PAPPA2: variants seen among roughly 807,000 people sequenced by gnomAD.
The protein encoded by PAPPA2 is pappalysin 2.
PAPPA2 carries 86 observed loss-of-function variants against 176.4 expected under a neutral mutation model. The observed-to-expected ratio is 0.49, with a 90% CI of 0.41 to 0.58. The LOEUF is 0.58. Ranked by LOEUF, PAPPA2 falls within the 20% of genes least tolerant of loss-of-function variation. The pLI is 0.00. For synonymous variants in PAPPA2, 809 were observed against 852.2 expected (o/e 0.95, Z 0.88); for missense variants, 2,073 against 2,256.9 (o/e 0.92, Z 1.65).
chr1:176,650,530 G>A (rs1159836600), intron 3 of PAPPA2, among the ~76,000 whole-genome samples: 1 of 151,392 alleles, frequency 6.6e-6, no homozygotes, highest in East Asian at 1.9e-4. Context: ...TTTACATTAG[G>A]TATGTCTCCT....
chr1:176,729,154 A>G (rs1317703902), intron 12 of PAPPA2, among the ~76,000 whole-genome samples: 1 of 151,742 alleles, frequency 6.6e-6, no homozygotes, highest in Non-Finnish European at 1.5e-5. Flanking sequence ...AATATATTCA[A>G]CATTTGTTTT....
At chr1:176,528,399 G>A (rs1649609797) in intron 1 of PAPPA2, among the ~76,000 whole-genome samples, 1 of 152,216 alleles carries the variant, frequency 6.6e-6, no homozygotes, top group Admixed American at 6.5e-5. Context: ...AAGAGGCAAT[G>A]TGATGTTTCT....
intron 1 of PAPPA2, among the ~76,000 whole-genome samples, chr1:176,497,271 TC>T (rs1203190254): frequency 6.6e-6 from 1 of 152,228 alleles, no homozygotes; most frequent in African/African-American, 2.4e-5. Flanking sequence ...ATTTTGGGCT[TC>T]TACGACCACC....
At chr1:176,808,068 T>G (rs1665984357) in intron 21 of PAPPA2, among the ~76,000 whole-genome samples, 1 of 152,142 alleles carries the variant, frequency 6.6e-6, no homozygotes. Context: ...ACCCAGCCAG[T>G]GCAATGCCCA....
intron 21 of PAPPA2, among the ~76,000 whole-genome samples, chr1:176,829,456 T>C (rs1667001864): frequency 6.6e-6 from 1 of 152,116 alleles, no homozygotes; most frequent in East Asian, 1.9e-4. Context: ...CTGCATGCGG[T>C]GAACAGGCAG....
At chr1:176,585,255 A>G (rs1653238008) in intron 2 of PAPPA2, among the ~76,000 whole-genome samples, 1 of 151,950 alleles carries the variant, frequency 6.6e-6, no homozygotes, top group South Asian at 2.1e-4. Context: ...TTTGCTGGGT[A>G]TAGTATTCTC....
intron 1 of PAPPA2, among the ~76,000 whole-genome samples, chr1:176,464,875 T>A (rs1651542097): frequency 1.3e-5 from 2 of 152,242 alleles, no homozygotes; most frequent in South Asian, 4.1e-4. Context: ...AAACAATCCA[T>A]AATCCCAATA....
rs1028936212 is a variant in PAPPA2 at position 176,616,872 on chromosome 1, C to T, written c.1991+21277C>T. ...AGAAATGATTCAAAGAAACTGAAGT[C>T]GACTTCAATATACTCCACTTGAAAT... On this transcript the variant is annotated intron_variant, in intron 3 of 22. Coordinates refer to ENST00000367662, the MANE Select transcript of PAPPA2 (RefSeq NM_020318.3). 20 of 466,878 alleles carry T rather than the reference C, an allele frequency of 4.3e-5. No homozygotes were observed. The East Asian group carries it at 6.9e-4, about 16-fold the overall frequency. 28.9% of individuals were successfully genotyped at this position (466,878 alleles called of 1,614,324 possible).
intron 3 of PAPPA2, among the ~76,000 whole-genome samples, chr1:176,651,359 A>G (rs1165676021): frequency 6.6e-6 from 1 of 151,468 alleles, no homozygotes; most frequent in African/African-American, 2.4e-5. Context: ...GAAATAATTT[A>G]TCTGTCCTTC....
intron 21 of PAPPA2, among the ~76,000 whole-genome samples, chr1:176,819,896 C>G (rs1367720832): frequency 6.6e-6 from 1 of 152,192 alleles, no homozygotes; most frequent in Non-Finnish European, 1.5e-5. Flanking sequence ...TGCAGGCCCC[C>G]AAACTGGGTA....
Position 176,765,790 on chromosome 1 carries a change from G to A in PAPPA2, c.4276G>A (p.Gly1426Arg). 6.2e-7 allele frequency: 1 copy of A among 1,614,110 alleles called. No individual in the cohort carries two copies. Among genetic ancestry groups the A allele is most frequent in the Non-Finnish European group, 8.5e-7 (1 of 1,180,028 alleles). ...LMKCAITCQR[G>R]FALQASSGQY... ...GAAGTGTGCTATCACTTGTCAAAGG[G>A]GATTTGCCCTTCAGGCCAGCAGTGG... Residue 1426 changes from glycine (G) to arginine (R), a missense_variant, in exon 15 of 23, where the codon GGA becomes AGA. Physicochemically the swap from Gly to Arg is moderately radical, Grantham distance 125. This residue lies in a region of PAPPA2 where 846 missense variants were observed against 857.9 expected (regional missense o/e 0.99). Coordinates refer to ENST00000367662, the MANE Select transcript of PAPPA2 (RefSeq NM_020318.3).
chr1:176,746,661 A>C (rs1662924566), intron 14 of PAPPA2, among the ~76,000 whole-genome samples: 1 of 152,206 alleles, frequency 6.6e-6, no homozygotes, highest in African/African-American at 2.4e-5. Context: ...TAAATACCTT[A>C]TTAGTTTATT....
At chr1:176,770,063 T>A (rs138808558) in intron 16 of PAPPA2, among the ~76,000 whole-genome samples, 17 of 152,368 alleles carry the variant, frequency 1.1e-4, no homozygotes, top group African/African-American at 3.4e-4. Flanking sequence ...CCTACTGGAA[T>A]GGTTGTCCTG....
chr1:176,503,940 C>G (rs1157771160), intron 1 of PAPPA2, among the ~76,000 whole-genome samples: 2 of 152,092 alleles, frequency 1.3e-5, no homozygotes, highest in African/African-American at 2.4e-5. Context: ...AACATCTCTA[C>G]AGAAGTGGGA....
intron 21 of PAPPA2, among the ~76,000 whole-genome samples, chr1:176,818,645 T>A (rs1232536092): frequency 6.6e-6 from 1 of 152,182 alleles, no homozygotes; most frequent in Non-Finnish European, 1.5e-5. Context: ...GTTACATGGC[T>A]TATTGCAAGA....
intron 3 of PAPPA2, among the ~76,000 whole-genome samples, chr1:176,665,476 T>C (rs1157182217): frequency 1.3e-5 from 2 of 152,222 alleles, no homozygotes. Context: ...AGAATGGTGC[T>C]GACGTCCCTT....
intron 16 of PAPPA2, 93 bp from the exon 17 acceptor site, chr1:176,770,874 C>A (rs1022022064): frequency 2.5e-6 from 3 of 1,179,110 alleles, no homozygotes; most frequent in African/African-American, 3.1e-5. Context: ...TTGAAAGGCA[C>A]CAGTAAGTTC....
chr1:176,738,652 C>A (rs1475869681), intron 12 of PAPPA2, among the ~76,000 whole-genome samples: 2 of 151,952 alleles, frequency 1.3e-5, no homozygotes, highest in African/African-American at 4.8e-5. Context: ...CATACAACAC[C>A]AATATAACAC....
intron 3 of PAPPA2, among the ~76,000 whole-genome samples, chr1:176,646,310 G>A (rs916173656): frequency 1.3e-5 from 2 of 150,654 alleles, no homozygotes; most frequent in Non-Finnish European, 3.0e-5. Context: ...TATTTATGAG[G>A]TACATGAGAT....
Sources: gnomAD v4.1 joint callset for allele counts (sites outside exome capture counted in the v4.1 genomes callset) on GRCh38, gnomAD v4.1.1 for gene constraint, gnomAD v4.1.1 regional missense constraint, MANE v1.5 for transcripts, NCBI Gene and HGNC (gene_info 2026-07-23, HGNC 2026-07-21) for gene names.